The following CCDC93 variants were observed in gnomAD, a reference collection of about 807,000 sequenced individuals.
CCDC93 encodes the protein CCC complex scaffolding subunit CCDC93.
In CCDC93, 61 loss-of-function variants were observed where a neutral mutation model predicts 108.2. The observed-to-expected ratio is 0.56, with a 90% CI of 0.46 to 0.70. The LOEUF is 0.70. Ranked by LOEUF, CCDC93 falls within the 30% of genes least tolerant of loss-of-function variation. The pLI is 0.00. For synonymous variants in CCDC93, 276 were observed against 260.4 expected (o/e 1.06, Z -0.58); for missense variants, 685 against 764.2 (o/e 0.90, Z 1.22).
chr2:117,926,775 C>T (rs532564662), intron 23 of CCDC93, among the ~76,000 whole-genome samples: 78 of 152,200 alleles, frequency 5.1e-4, no homozygotes, highest in African/African-American at 1.7e-3. Flanking sequence ...TTTATGAGGC[C>T]AGCATCATCC....
intron 21 of CCDC93, among the ~76,000 whole-genome samples, chr2:117,936,274 G>A (rs1391637235): frequency 2.0e-5 from 3 of 151,950 alleles, no homozygotes; most frequent in Admixed American, 6.6e-5. Context: ...GAACAGGTGG[G>A]CCTTGACATC....
At chr2:117,945,447 A>G (rs1678838836) in intron 17 of CCDC93, 82 bp downstream of exon 17, 9 of 1,125,312 alleles carry the variant, frequency 8.0e-6, no homozygotes, top group African/African-American at 4.6e-5. Flanking sequence ...TAAAGTAGGC[A>G]TGAGAAGCCA....
At chr2:117,925,835 A>ACACCT (rs1475882062) in intron 23 of CCDC93, among the ~76,000 whole-genome samples, 1 of 152,144 alleles carries the variant, frequency 6.6e-6, no homozygotes, top group Non-Finnish European at 1.5e-5. Context: ...GCACCACACC[A>ACACCT]CACCTATTCC....
At chr2:117,962,917 T>A (rs1336167911) in intron 11 of CCDC93, among the ~76,000 whole-genome samples, 1 of 152,264 alleles carries the variant, frequency 6.6e-6, no homozygotes, top group East Asian at 1.9e-4. Flanking sequence ...AAATCCACAA[T>A]GAGATTTTGT....
intron 11 of CCDC93, among the ~76,000 whole-genome samples, chr2:117,967,539 G>GCACAGC (rs1266404906): frequency 2.0e-5 from 3 of 152,184 alleles, no homozygotes; most frequent in Admixed American, 6.5e-5. Context: ...GTCTAAGGAG[G>GCACAGC]CACAGCCACA....
chr2:117,952,915 T>C (rs367809256), intron 12 of CCDC93, among the ~76,000 whole-genome samples: 19 of 152,316 alleles, frequency 1.2e-4, no homozygotes, highest in African/African-American at 3.8e-4. Flanking sequence ...TGATGACACA[T>C]AGAAGATAGG....
At chr2:118,011,642 T>A (rs1368971464) in intron 1 of CCDC93, among the ~76,000 whole-genome samples, 1 of 152,070 alleles carries the variant, frequency 6.6e-6, no homozygotes, top group African/African-American at 2.4e-5. Flanking sequence ...TTCAATCATT[T>A]ATTATGAAAA....
chr2:117,981,378 T>C (rs1680110115), intron 7 of CCDC93, among the ~76,000 whole-genome samples: 1 of 152,206 alleles, frequency 6.6e-6, no homozygotes, highest in African/African-American at 2.4e-5. Flanking sequence ...CAACTGCCTA[T>C]TAACTACTGC....
At chr2:118,008,873 T>C (rs34926808) in intron 1 of CCDC93, 32,825 of 522,084 alleles carry the variant, frequency 0.063, 1,239 homozygotes, top group Middle Eastern at 0.091. Context: ...AACGGGCTGT[T>C]AATCTTCATA....
intron 8 of CCDC93, among the ~76,000 whole-genome samples, chr2:117,977,760 A>G (rs1679988701): frequency 6.6e-6 from 1 of 152,190 alleles, no homozygotes; most frequent in Admixed American, 6.5e-5. Context: ...ACCCTAGGCC[A>G]CAACTTTCAA....
At chr2:117,997,799 G>T (rs1037812478) in intron 4 of CCDC93, 1 of 152,046 alleles carries the variant, frequency 6.6e-6, no homozygotes, top group South Asian at 2.1e-4. Context: ...GACAACTAAG[G>T]GCCAACTAAG....
chr2:118,002,344 C>T (rs572069382), intron 3 of CCDC93, among the ~76,000 whole-genome samples: 1 of 152,158 alleles, frequency 6.6e-6, no homozygotes, highest in Non-Finnish European at 1.5e-5. Context: ...ACTGTCTTAT[C>T]TATGATTCAC....
chr2:117,920,979 T>A (rs9308758), intron 23 of CCDC93, among the ~76,000 whole-genome samples: 1 of 151,464 alleles, frequency 6.6e-6, no homozygotes, highest in Non-Finnish European at 1.5e-5. Context: ...GTCAGGAGAG[T>A]GAGACCATCC....
chr2:117,947,785 C>T (rs1225996098), intron 15 of CCDC93, among the ~76,000 whole-genome samples: 1 of 151,404 alleles, frequency 6.6e-6, no homozygotes, highest in African/African-American at 2.4e-5. Flanking sequence ...GCTCTGCCTC[C>T]CAGGTTCACG....
intron 3 of CCDC93, 127 bp from the exon 4 acceptor site, chr2:118,001,059 A>T: frequency 1.6e-6 from 1 of 611,694 alleles, no homozygotes; most frequent in Non-Finnish European, 2.9e-6. Context: ...AGACCATGAC[A>T]AGTTTCTCCT....
chr2:118,001,590 T>C (rs1676688797), intron 3 of CCDC93, among the ~76,000 whole-genome samples: 1 of 152,210 alleles, frequency 6.6e-6, no homozygotes, highest in Non-Finnish European at 1.5e-5. Flanking sequence ...ACACCGACCT[T>C]TCTCTAACAC....
At chr2:117,938,044 C>T (rs561339560) in intron 20 of CCDC93, among the ~76,000 whole-genome samples, 1 of 152,208 alleles carries the variant, frequency 6.6e-6, no homozygotes, top group South Asian at 2.1e-4. Context: ...TACAAGGTGA[C>T]AAAATGAAAA....
chr2:117,954,570 C>T (rs1325895837), intron 12 of CCDC93, among the ~76,000 whole-genome samples: 1 of 152,200 alleles, frequency 6.6e-6, no homozygotes, highest in African/African-American at 2.4e-5. Context: ...TTAACCCCTA[C>T]ACTTACTCTA....
chr2:117,945,815 G>A (rs972997590), intron 16 of CCDC93, among the ~76,000 whole-genome samples: 4 of 152,186 alleles, frequency 2.6e-5, no homozygotes, highest in African/African-American at 4.8e-5. Context: ...ACAGTAAACC[G>A]TATAGCTCTT....
Sources: gnomAD v4.1 joint callset for allele counts (sites outside exome capture counted in the v4.1 genomes callset) on GRCh38, gnomAD v4.1.1 for gene constraint, MANE v1.5 for transcripts, NCBI Gene and HGNC (gene_info 2026-07-23, HGNC 2026-07-21) for gene names.